Variants in EIPR1 observed in about 807,000 individuals in gnomAD.
The protein encoded by EIPR1 is EARP complex and GARP complex interacting protein 1, also known as EARP and GARP complex-interacting protein 1.
In EIPR1, 25 loss-of-function variants were observed where a neutral mutation model predicts 48.1. That is an observed-to-expected ratio of 0.52 (90% CI 0.38 to 0.73). The LOEUF (loss-of-function observed/expected upper bound fraction) is 0.73, where lower values mean the gene tolerates loss of function less well. Ranked by LOEUF, EIPR1 falls within the 30% of genes least tolerant of loss-of-function variation. The pLI, the probability that EIPR1 is intolerant of heterozygous loss-of-function variation, is 0.00. For missense variants in EIPR1, 415 were observed against 506.2 expected (o/e 0.82, Z 1.73); for synonymous variants, 204 against 201.9 (o/e 1.01, Z -0.09).
chr2:3,253,441 C>G (rs1276638056), intron 4 of EIPR1, among the ~76,000 whole-genome samples: 1 of 152,184 alleles, frequency 6.6e-6, no homozygotes, highest in East Asian at 1.9e-4. Flanking sequence ...AAATATTTTA[C>G]AGAACTGGAC....
chr2:3,202,105 T>A, intron 5 of EIPR1, among the ~76,000 whole-genome samples: 1 of 151,876 alleles, frequency 6.6e-6, no homozygotes, highest in African/African-American at 2.4e-5. Context: ...GCCCGGCTAA[T>A]TTTTTGTATT....
intron 4 of EIPR1, among the ~76,000 whole-genome samples, chr2:3,248,956 G>A (rs1253309328): frequency 2.0e-5 from 3 of 152,142 alleles, no homozygotes. Flanking sequence ...GGAACTGTGA[G>A]CCAAATAAAC....
chr2:3,278,687 G>A (rs1330784176), intron 3 of EIPR1, among the ~76,000 whole-genome samples: 1 of 152,146 alleles, frequency 6.6e-6, no homozygotes, highest in Non-Finnish European at 1.5e-5. Context: ...TCCGCTTCAG[G>A]GCCCCCAGAC....
rs1481271833 is a variant in EIPR1 at position 3,192,486 on chromosome 2, G to A, written c.917C>T (p.Ser306Leu). The change falls in exon 8 of 9, where the codon TCG becomes TTG. Residue 306 changes from serine to leucine, a missense_variant. By Grantham distance (145) the Ser-to-Leu change is moderately radical. Coordinates refer to ENST00000382125, the MANE Select transcript of EIPR1 (RefSeq NM_003310.5). ...RVILSNMVSI[S>L]SEPFGHLVDD... is the part of the protein sequence containing the mutation. ...TACCAAGTGGCCGAAGGGCTCCGAC[G>A]AGATGGACACCATGTTGGAAAGGAT... The A allele has an allele frequency of 1.9e-6, 3 of 1,613,142 alleles. No individual in the cohort carries two copies. Among genetic ancestry groups the A allele is most frequent in the Non-Finnish European group, 2.5e-6 (3 of 1,179,804 alleles).
At chr2:3,354,719 C>T in intron 1 of EIPR1, 86 bp from the exon 2 acceptor site, 1 of 1,298,222 alleles carries the variant, frequency 7.7e-7, no homozygotes, top group Non-Finnish European at 1.1e-6. Flanking sequence ...GGCAGTTTAT[C>T]TCATCTACTG....
intron 3 of EIPR1, among the ~76,000 whole-genome samples, chr2:3,281,873 T>C (rs939160757): frequency 3.3e-5 from 5 of 152,212 alleles, no homozygotes; most frequent in African/African-American, 1.2e-4. Flanking sequence ...AAAATAGTTT[T>C]AACAAAATGA....
chr2:3,237,963 G>A (rs1666469253), intron 4 of EIPR1, among the ~76,000 whole-genome samples: 1 of 152,164 alleles, frequency 6.6e-6, no homozygotes, highest in Non-Finnish European at 1.5e-5. Context: ...TCCAAGGGGT[G>A]AAGGACATTT....
chr2:3,336,769 A>G (rs1670055892), intron 3 of EIPR1, among the ~76,000 whole-genome samples: 1 of 103,108 alleles, frequency 9.7e-6, no homozygotes, highest in Non-Finnish European at 2.3e-5. Context: ...CTCTGTCAAG[A>G]AAAGAAAAGG....
chr2:3,224,553 T>G (rs868054300), intron 4 of EIPR1, among the ~76,000 whole-genome samples: 7 of 152,086 alleles, frequency 4.6e-5, no homozygotes, highest in Admixed American at 3.3e-4. Context: ...GGCCCCATGA[T>G]CAAGGCACAC....
At chr2:3,255,083 G>A (rs1199899281) in intron 4 of EIPR1, among the ~76,000 whole-genome samples, 1 of 152,132 alleles carries the variant, frequency 6.6e-6, no homozygotes, top group Non-Finnish European at 1.5e-5. Context: ...TGGAATTCAA[G>A]CAATACTTTG....
intron 4 of EIPR1, among the ~76,000 whole-genome samples, chr2:3,221,973 T>C (rs1572320705): frequency 6.6e-6 from 1 of 151,772 alleles, no homozygotes; most frequent in East Asian, 1.9e-4. Context: ...AAAACTTGTT[T>C]CCCAAATCCC....
intron 3 of EIPR1, among the ~76,000 whole-genome samples, chr2:3,315,224 A>T (rs13010426): frequency 1.0e-4 from 4 of 39,648 alleles, no homozygotes; most frequent in Non-Finnish European, 1.3e-4. Flanking sequence ...TACCACCACC[A>T]TCACCACCAT....
chr2:3,227,348 T>C (rs1257974725), intron 4 of EIPR1, among the ~76,000 whole-genome samples: 1 of 152,190 alleles, frequency 6.6e-6, no homozygotes, highest in Admixed American at 6.5e-5. Flanking sequence ...GGAGTAATGG[T>C]CACTTGCTAT....
intron 5 of EIPR1, among the ~76,000 whole-genome samples, chr2:3,203,908 C>T (rs1382291165): frequency 6.6e-6 from 1 of 152,228 alleles, no homozygotes; most frequent in Non-Finnish European, 1.5e-5. Flanking sequence ...CGACCAGCAG[C>T]AAGCCCAGCC....
At chr2:3,324,744 A>AT (rs1162670439) in intron 3 of EIPR1, among the ~76,000 whole-genome samples, 1 of 152,190 alleles carries the variant, frequency 6.6e-6, no homozygotes, top group East Asian at 1.9e-4. Flanking sequence ...GATCCCCAGG[A>AT]TCCAGCCTCG....
intron 1 of EIPR1, among the ~76,000 whole-genome samples, chr2:3,366,437 G>C (rs1670975343): frequency 6.6e-6 from 1 of 152,190 alleles, no homozygotes; most frequent in Non-Finnish European, 1.5e-5. Flanking sequence ...GCAGTGGAAA[G>C]GACACAAAGA....
chr2:3,217,590 G>A (rs956117887), intron 4 of EIPR1, among the ~76,000 whole-genome samples: 24 of 152,154 alleles, frequency 1.6e-4, no homozygotes, highest in African/African-American at 5.6e-4. Flanking sequence ...TTAAACTCAC[G>A]TAAAGGCACT....
chr2:3,306,510 C>T (rs1668949534), intron 3 of EIPR1, among the ~76,000 whole-genome samples: 1 of 152,148 alleles, frequency 6.6e-6, no homozygotes, highest in African/African-American at 2.4e-5. Context: ...TTTGGCTCCC[C>T]AAAAACTTAA....
intron 3 of EIPR1, among the ~76,000 whole-genome samples, chr2:3,259,292 C>CT (rs915921991): frequency 2.0e-5 from 3 of 152,036 alleles, no homozygotes; most frequent in African/African-American, 4.8e-5. Context: ...GACACTCCCC[C>CT]CCACATCCCC....
Sources: gnomAD v4.1 joint callset for allele counts (sites outside exome capture counted in the v4.1 genomes callset) on GRCh38, gnomAD v4.1.1 for gene constraint, MANE v1.5 for transcripts, NCBI Gene and HGNC (gene_info 2026-07-23, HGNC 2026-07-21) for gene names.